Variants in RNF38 observed in about 807,000 individuals in gnomAD.
RNF38 encodes the protein E3 ubiquitin-protein ligase RNF38.
RNF38 carries 15 observed loss-of-function variants against 67.2 expected under a neutral mutation model. That is an observed-to-expected ratio of 0.22 (90% confidence interval 0.15 to 0.34). The LOEUF (loss-of-function observed/expected upper bound fraction) is 0.34, where lower values mean the gene tolerates loss of function less well. Among genes scored for constraint, RNF38 ranks in the 10% least tolerant of loss-of-function variants. RNF38 has a pLI of 1.00. For synonymous variants in RNF38, 220 were observed against 218.8 expected, an observed-to-expected ratio of 1.01 and a Z score of -0.05; for missense variants, 524 against 639.9, an observed-to-expected ratio of 0.82 and a Z score of 1.95.
chr9:36,365,783 A>G (rs775674594), intron 4 of RNF38, among the ~76,000 whole-genome samples: 1 of 144,810 alleles, frequency 6.9e-6, no homozygotes, highest in Non-Finnish European at 1.5e-5. Flanking sequence ...CTCCTGCCTC[A>G]GCCTCTCGAA....
At chr9:36,487,628 G>A (rs1332548283), upstream of RNF38, 76 of 964,700 alleles carry the variant, frequency 7.9e-5, no homozygotes, top group Non-Finnish European at 9.2e-5. Context: ...GCTGGGCCCC[G>A]GCCGGCAGCA....
chr9:36,358,632 A>T (rs10814378), intron 4 of RNF38, among the ~76,000 whole-genome samples: 1 of 152,052 alleles, frequency 6.6e-6, no homozygotes, highest in Non-Finnish European at 1.5e-5. Context: ...ACACTTGCTT[A>T]ACACAGTCCT....
At chr9:36,461,197 G>A (rs1353295686) in intron 1 of RNF38, among the ~76,000 whole-genome samples, 3 of 152,176 alleles carry the variant, frequency 2.0e-5, no homozygotes, top group African/African-American at 4.8e-5. Context: ...TCCAGCCTGG[G>A]CAACAAGAGC....
intron 2 of RNF38, chr9:36,424,531 A>G (rs1838720919): frequency 4.4e-6 from 2 of 449,992 alleles, no homozygotes; most frequent in Non-Finnish European, 2.9e-6. Context: ...TTCTTGCCCT[A>G]GGCCCAGAGT....
At chr9:36,434,106 C>A (rs956292894) in intron 1 of RNF38, among the ~76,000 whole-genome samples, 1 of 150,638 alleles carries the variant, frequency 6.6e-6, no homozygotes, top group Admixed American at 6.6e-5. Context: ...TGTGGTGGCA[C>A]GCGCCCATAA....
At chr9:36,354,908 C>T (rs1833987670) in intron 6 of RNF38, among the ~76,000 whole-genome samples, 1 of 152,200 alleles carries the variant, frequency 6.6e-6, no homozygotes, top group Non-Finnish European at 1.5e-5. Flanking sequence ...CAATTGCTTA[C>T]ACTATGACAA....
chr9:36,423,782 T>C (rs1838693657), intron 2 of RNF38, among the ~76,000 whole-genome samples: 1 of 69,744 alleles, frequency 1.4e-5, no homozygotes, highest in African/African-American at 5.0e-5. Flanking sequence ...ACCCCGTCTC[T>C]ACTAAAAATA....
chr9:36,480,545 TTTC>T (rs1840228639), intron 1 of RNF38, among the ~76,000 whole-genome samples: 1 of 124,194 alleles, frequency 8.1e-6, no homozygotes. Flanking sequence ...TTTTTTTCTT[TTTC>T]TTTTTTTTTT....
chr9:36,351,609 A>T (rs1425633946), intron 8 of RNF38, among the ~76,000 whole-genome samples: 2 of 152,222 alleles, frequency 1.3e-5, no homozygotes, highest in African/African-American at 4.8e-5. Context: ...TATATCTGAC[A>T]TTAAGATAGA....
At chr9:36,487,052 G>T (rs550140573) in intron 1 of RNF38, among the ~76,000 whole-genome samples, 1 of 152,242 alleles carries the variant, frequency 6.6e-6, no homozygotes, top group Non-Finnish European at 1.5e-5. Flanking sequence ...TTCCTCCTCC[G>T]CCGAGCAGAG....
intron 1 of RNF38, among the ~76,000 whole-genome samples, chr9:36,459,041 C>T (rs1170412032): frequency 6.6e-6 from 1 of 152,028 alleles, no homozygotes; most frequent in Admixed American, 6.6e-5. Flanking sequence ...AACCCTGTCT[C>T]TACTAAAAAT....
intron 4 of RNF38, among the ~76,000 whole-genome samples, chr9:36,361,441 A>G (rs377201678): frequency 0.022 from 307 of 14,226 alleles, 1 homozygote; most frequent in African/African-American, 0.024. Flanking sequence ...GGGATTATAG[A>G]CGTGAGCCAC....
chr9:36,443,454 C>A (rs1488407588), intron 1 of RNF38, among the ~76,000 whole-genome samples: 2 of 152,128 alleles, frequency 1.3e-5, no homozygotes. Context: ...TATATATTTA[C>A]ATTAAAAAGG....
At chr9:36,417,167 T>C (rs924690959) in intron 2 of RNF38, among the ~76,000 whole-genome samples, 2 of 152,196 alleles carry the variant, frequency 1.3e-5, no homozygotes, top group African/African-American at 2.4e-5. Context: ...CCAGTGAGGA[T>C]GTGTGTTCAG....
intron 1 of RNF38, among the ~76,000 whole-genome samples, chr9:36,392,895 G>C (rs1210463651): frequency 6.6e-6 from 1 of 152,106 alleles, no homozygotes; most frequent in African/African-American, 2.4e-5. Flanking sequence ...CCATAAAACA[G>C]GGAAAAATTA....
chr9:36,352,930 G>C, intron 7 of RNF38, 82 bp from the exon 8 acceptor site: 2 of 1,014,228 alleles, frequency 2.0e-6, no homozygotes, highest in Non-Finnish European at 3.0e-6. Flanking sequence ...ATTAAAAAAA[G>C]ACTTAAACAG....
At chr9:36,418,938 G>C (rs1040174013) in intron 2 of RNF38, among the ~76,000 whole-genome samples, 10 of 152,140 alleles carry the variant, frequency 6.6e-5, no homozygotes, top group Non-Finnish European at 1.0e-4. Context: ...ATTCCAGCCT[G>C]GGCAATGGAG....
chr9:36,363,336 T>C lies in RNF38; in HGVS notation c.571-5394A>G, dbSNP rs1211941832. On this transcript the variant is annotated intron_variant, in intron 4 of 11. Transcript: ENST00000259605. The stretch of plus-strand genomic sequence containing the variant: ...TGTGGACATATGCACTCAATTCTCT[T>C]GATTACACTAAGAATGGAATTGCTG... Among the ~76,000 whole-genome samples, 9 of 101,210 alleles carry C rather than the reference T, an allele frequency of 8.9e-5. 4 individuals are homozygous for C. Among genetic ancestry groups the C allele is most frequent in the Non-Finnish European group, 2.1e-4 (8 of 38,852 alleles). The allele number at this position is 101,210 out of a possible 152,430, so 66.4% of individuals were successfully genotyped here. A position where few individuals can be genotyped will look rare whatever the true frequency, so the allele number is the denominator to read the frequency against.
intron 1 of RNF38, among the ~76,000 whole-genome samples, chr9:36,482,304 C>T (rs1173766680): frequency 2.0e-5 from 3 of 150,016 alleles, no homozygotes; most frequent in Admixed American, 6.7e-5. Flanking sequence ...CCGCCCACCT[C>T]GGCCTCCCAA....
Sources: allele counts gnomAD v4.1 joint callset (sites outside exome capture counted in the v4.1 genomes callset), GRCh38; gene constraint gnomAD v4.1.1; transcripts MANE v1.5; gene names NCBI Gene and HGNC (gene_info 2026-07-23, HGNC 2026-07-21).